Variants in KCNQ1 observed in about 807,000 individuals in gnomAD.
KCNQ1 encodes potassium voltage-gated channel subfamily KQT member 1.
KCNQ1 carries 49 observed loss-of-function variants against 72.4 expected under a neutral mutation model. That is an observed-to-expected ratio of 0.68 (90% CI 0.54 to 0.86). The LOEUF (loss-of-function observed/expected upper bound fraction) is 0.86, where lower values mean the gene tolerates loss of function less well. Ranked by LOEUF, KCNQ1 falls within the 40% of genes least tolerant of loss-of-function variation. KCNQ1 has a pLI of 0.00. For missense variants in KCNQ1, 790 were observed against 945.1 expected (o/e 0.84, Z 2.15); for synonymous variants, 450 against 412.6 (o/e 1.09, Z -1.10).
chr11:2,517,781 C>T (rs1847313170), intron 1 of KCNQ1, among the ~76,000 whole-genome samples: 1 of 152,216 alleles, frequency 6.6e-6, no homozygotes, highest in South Asian at 2.1e-4. Context: ...GGGGGCCATG[C>T]CTGCGCCCGC....
intron 1 of KCNQ1, among the ~76,000 whole-genome samples, chr11:2,453,726 G>A (rs12274567): frequency 0.093 from 14,119 of 152,250 alleles, 693 homozygotes; most frequent in African/African-American, 0.11. Flanking sequence ...TCACTGACCT[G>A]TGACCCAGCA....
chr11:2,527,391 C>T lies in KCNQ1; in HGVS notation c.387-537C>T, dbSNP rs77351312. Among the ~76,000 whole-genome samples, 15 of 152,328 alleles carry T rather than the reference C, an allele frequency of 9.8e-5. No homozygotes were observed. In the East Asian group the frequency reaches 2.9e-3, roughly 29 times the overall value. ...TCCTGGACAGGGGGCGTTGACTGCT[C>T]TCTGGAAGTGATTTGTAAAATCAGC... On this transcript the variant is annotated intron_variant, in intron 1 of 15. Coordinates refer to ENST00000155840, the MANE Select transcript of KCNQ1 (RefSeq NM_000218.3).
Position 2,752,796 on chromosome 11 carries a change from C to T in KCNQ1, c.1515-16048C>T, listed in dbSNP as rs770646704. Among the ~76,000 whole-genome samples, 6 of 152,158 alleles carry T rather than the reference C, an allele frequency of 3.9e-5. No individual in the cohort carries two copies. The highest frequency in any genetic ancestry group is 6.5e-5 in the Admixed American group (1 of 15,284). On this transcript the variant is annotated intron_variant, in intron 11 of 15. Transcript: ENST00000155840. This position sits in a 1 kb window ranked among gnomAD's most constrained non-coding sequence, Gnocchi z 5.2. ...AGACACACACATTCAGACTACAGCA[C>T]CTTGCTCCTGGGGAAACAGAGGAAA...
chr11:2,764,753 A>T lies in KCNQ1; in HGVS notation c.1515-4091A>T, dbSNP rs1417761059. ...CTTTTACATACTGTGTTTTTAAATAATTTGTATATTTTATCTAAATCATCA... is the reference window on the plus strand; with the variant it reads ...CTTTTACATACTGTGTTTTTAAATATTTTGTATATTTTATCTAAATCATCA... On this transcript the variant is annotated intron_variant, in intron 11 of 15. Coordinates refer to ENST00000155840, the MANE Select transcript of KCNQ1 (RefSeq NM_000218.3). This position sits in a 1 kb window ranked among gnomAD's most constrained non-coding sequence, Gnocchi z 4.8. 6.6e-6 allele frequency among the ~76,000 whole-genome samples: 1 copy of T among 152,070 alleles called. No individual in the cohort carries two copies. The highest frequency in any genetic ancestry group is 1.5e-5 in the Non-Finnish European group (1 of 68,010).
rs1431582605 is a variant in KCNQ1, at chr11:2,657,168, C to G, written c.1394-4793C>G. On this transcript the variant is annotated intron_variant, in intron 10 of 15. Transcript: ENST00000155840. This position sits in a 1 kb window ranked among gnomAD's most constrained non-coding sequence, Gnocchi z 4.8. ...TGTTTGGTACAGCAAGTTCTCCCAC[C>G]TTGTTCTTCTTCAAGAATATTGCCA... 5.0e-6 allele frequency: 2 copies of G among 398,638 alleles called. No homozygotes were observed. Among genetic ancestry groups the G allele is most frequent in the Non-Finnish European group, 8.8e-6 (2 of 226,068 alleles). The allele number at this position is 398,638 out of a possible 1,614,324, so 24.7% of individuals were successfully genotyped here.
At position 2,493,372 on chromosome 11, in the gene KCNQ1, A is replaced by G. The variant is rs1310305340; in HGVS notation, c.387-34556A>G. Among the ~76,000 whole-genome samples the G allele has an allele frequency of 6.6e-6, 1 of 151,972 alleles. No individual in the cohort carries two copies. ...TAGTTTAATTAGATCCCATTTGTCAATTTTGGCTTTTGTTGCAATTGCTCT... is the reference window on the plus strand; with the variant it reads ...TAGTTTAATTAGATCCCATTTGTCAGTTTTGGCTTTTGTTGCAATTGCTCT... On this transcript the variant is annotated intron_variant, in intron 1 of 15. Transcript: ENST00000155840. The surrounding 1 kb of genome is among the most constrained non-coding windows in gnomAD (Gnocchi z 5.3).
Position 2,600,401 on chromosome 11 carries a change from T to C in KCNQ1, c.1393+11547T>C, listed in dbSNP as rs2133775679. Reference sequence around the variant, plus strand: ...ATAAAAACACCTACATACCCTTCACTAAGATTTACCAGTTTACTAATTGTT... The same window carrying C: ...ATAAAAACACCTACATACCCTTCACCAAGATTTACCAGTTTACTAATTGTT... On this transcript the variant is annotated intron_variant, in intron 10 of 15. Transcript: ENST00000155840. The surrounding 1 kb of genome is among the most constrained non-coding windows in gnomAD (Gnocchi z 5.6). 6.6e-6 allele frequency among the ~76,000 whole-genome samples: 1 copy of C among 152,362 alleles called. No individual in the cohort carries two copies. Among genetic ancestry groups the C allele is most frequent in the East Asian group, 1.9e-4 (1 of 5,184 alleles).
In KCNQ1 at chr11:2,776,980, C is replaced by T. The variant is rs775952277; in HGVS notation, c.1686-6C>T. On this transcript the variant is annotated splice_polypyrimidine_tract_variant and splice_region_variant and intron_variant, in intron 13 of 15. Coordinates refer to ENST00000155840, the MANE Select transcript of KCNQ1 (RefSeq NM_000218.3). ...TGTGAACTGGTGTCTGTGTCCTTCT[C>T]TCCAGGCTGGACCAGTCCATTGGGA... The T allele has an allele frequency of 3.7e-6, 6 of 1,613,960 alleles. No homozygotes were observed. In the African/African-American group the frequency reaches 8.0e-5, roughly 22 times the overall value.
chr11:2,641,964 G>C (rs1440980841), intron 10 of KCNQ1: 1 of 398,210 alleles, frequency 2.5e-6, no homozygotes, highest in Non-Finnish European at 4.4e-6. Context: ...TTACTTCCAG[G>C]TTCTACTCTG....
intron 1 of KCNQ1, among the ~76,000 whole-genome samples, chr11:2,503,133 C>CT (rs1245157872): frequency 6.6e-6 from 1 of 152,096 alleles, no homozygotes; most frequent in African/African-American, 2.4e-5. Context: ...GCAAAGACTG[C>CT]TTGAGTAATC....
chr11:2,533,738 C>T (rs538392944), intron 2 of KCNQ1, among the ~76,000 whole-genome samples: 43 of 152,322 alleles, frequency 2.8e-4, no homozygotes, highest in Middle Eastern at 3.4e-3. Context: ...TAGAAACTGG[C>T]CCCCTGCTCT....
At chr11:2,802,308 C>T (rs1176390632) in intron 15 of KCNQ1, among the ~76,000 whole-genome samples, 2 of 152,246 alleles carry the variant, frequency 1.3e-5, no homozygotes, top group African/African-American at 4.8e-5. Context: ...GGCTCCGGCC[C>T]TGTCGCCAGC....
Position 2,651,304 on chromosome 11 carries a change from G to A in KCNQ1, c.1394-10657G>A. On this transcript the variant is annotated intron_variant, in intron 10 of 15. Coordinates refer to ENST00000155840, the MANE Select transcript of KCNQ1 (RefSeq NM_000218.3). This position sits in a 1 kb window ranked among gnomAD's most constrained non-coding sequence, Gnocchi z 6.1. Reference sequence around the variant, plus strand: ...GAGCTTCATGGTGGGCAGCTGGGAAGCTGCACAGAACACTCCTCAGAGTTC... The same window carrying A: ...GAGCTTCATGGTGGGCAGCTGGGAAACTGCACAGAACACTCCTCAGAGTTC... 1 of 398,702 alleles carries A rather than the reference G, an allele frequency of 2.5e-6. No individual in the cohort carries two copies. Among genetic ancestry groups the A allele is most frequent in the East Asian group, 3.6e-5 (1 of 28,078 alleles). 24.7% of individuals were successfully genotyped at this position (398,702 alleles called of 1,614,324 possible).
At chr11:2,529,829 C>T (rs1391839374) in intron 2 of KCNQ1, among the ~76,000 whole-genome samples, 3 of 151,672 alleles carry the variant, frequency 2.0e-5, no homozygotes, top group East Asian at 1.9e-4. Flanking sequence ...CTTCTGTGGG[C>T]GGGCCGGCTG....
At position 2,808,699 on chromosome 11, in the gene KCNQ1, C is replaced by G. The variant is rs146494955; in HGVS notation, c.1794+30662C>G. Reference sequence around the variant, plus strand: ...AGGTAAATACCTTCATGACCATGCCCCCTTTCCCTAGGATACCCCTTGTTA... The same window carrying G: ...AGGTAAATACCTTCATGACCATGCCGCCTTTCCCTAGGATACCCCTTGTTA... On this transcript the variant is annotated intron_variant, in intron 15 of 15. Transcript: ENST00000155840. This position sits in a 1 kb window ranked among gnomAD's most constrained non-coding sequence, Gnocchi z 6.0. Among the ~76,000 whole-genome samples, 1 of 152,132 alleles carries G rather than the reference C, an allele frequency of 6.6e-6. No individual in the cohort carries two copies. Among genetic ancestry groups the G allele is most frequent in the Admixed American group, 6.5e-5 (1 of 15,270 alleles).
Position 2,723,117 on chromosome 11 carries a change from C to T in KCNQ1, c.1515-45727C>T, listed in dbSNP as rs902591991. On this transcript the variant is annotated intron_variant, in intron 11 of 15. Transcript: ENST00000155840. The surrounding 1 kb of genome is among the most constrained non-coding windows in gnomAD (Gnocchi z 4.2). ...CCAGACGGATCCTGAAAACAGGCTC[C>T]GCCTTCCTCTGTGGCTCTGCCTTCC... Among the ~76,000 whole-genome samples the T allele has an allele frequency of 2.6e-4, 40 of 152,328 alleles. No homozygotes were observed. Among genetic ancestry groups the T allele is most frequent in the Non-Finnish European group, 4.1e-4 (28 of 68,030 alleles).
rs1382050481 is a variant in KCNQ1, at chr11:2,515,779, C to T, written c.387-12149C>T. ...CCCAGGGAGCCAGGCTTGGTGTGGCCGGCCCTGGGAGCACAGAGCCCCGTT... is the reference window on the plus strand; with the variant it reads ...CCCAGGGAGCCAGGCTTGGTGTGGCTGGCCCTGGGAGCACAGAGCCCCGTT... On this transcript the variant is annotated intron_variant, in intron 1 of 15. Coordinates refer to ENST00000155840, the MANE Select transcript of KCNQ1 (RefSeq NM_000218.3). The surrounding 1 kb of genome is among the most constrained non-coding windows in gnomAD (Gnocchi z 4.7). Among the ~76,000 whole-genome samples the T allele has an allele frequency of 2.6e-5, 4 of 152,076 alleles. No homozygotes were observed. The highest frequency in any genetic ancestry group is 1.3e-4 in the Admixed American group (2 of 15,278).
At chr11:2,632,263 A>ATTCAGTTT in intron 10 of KCNQ1, 1 of 396,778 alleles carries the variant, frequency 2.5e-6, no homozygotes, top group East Asian at 3.6e-5. Context: ...GAATTAATTT[A>ATTCAGTTT]TTCAGTTTTT....
Position 2,663,744 on chromosome 11 carries a change from G to T in KCNQ1, c.1514+1663G>T. 1 of 398,678 alleles carries T rather than the reference G, an allele frequency of 2.5e-6. No homozygotes were observed. The highest frequency in any genetic ancestry group is 1.3e-4 in the South Asian group (1 of 7,810). The allele number at this position is 398,678 out of a possible 1,614,324, so 24.7% of individuals were successfully genotyped here. On this transcript the variant is annotated intron_variant, in intron 11 of 15. Coordinates refer to ENST00000155840, the MANE Select transcript of KCNQ1 (RefSeq NM_000218.3). The surrounding 1 kb of genome is among the most constrained non-coding windows in gnomAD (Gnocchi z 5.2). ...GCCCCTGCAGGTGAAGGTGGTGAGA[G>T]ACCAGGCACTTATGTGGATCACAGC...
Sources: allele counts gnomAD v4.1 joint callset (sites outside exome capture counted in the v4.1 genomes callset), GRCh38; gene constraint gnomAD v4.1.1; non-coding constraint Gnocchi (gnomAD v3.1); transcripts MANE v1.5; gene names NCBI Gene and HGNC (gene_info 2026-07-23, HGNC 2026-07-21).